Variants in SYNE2 observed in about 807,000 individuals in gnomAD.
The protein encoded by SYNE2 is nesprin-2.
A neutral mutation model predicts 856.3 loss-of-function variants in SYNE2; 431 were observed. The ratio of observed to expected loss-of-function variants is 0.50; its 90% CI spans 0.47 to 0.55. The LOEUF (loss-of-function observed/expected upper bound fraction) is 0.55, where lower values mean the gene tolerates loss of function less well. Among genes scored for constraint, SYNE2 ranks in the 20% least tolerant of loss-of-function variants. The pLI is 0.00. For synonymous variants in SYNE2, 2,923 were observed against 2,872.3 expected (o/e 1.02, Z -0.56); for missense variants, 8,129 against 8,023.2 (o/e 1.01, Z -0.50).
intron 1 of SYNE2, among the ~76,000 whole-genome samples, chr14:63,890,142 C>T (rs2095097575): frequency 6.8e-6 from 1 of 146,580 alleles, no homozygotes; most frequent in South Asian, 2.1e-4. Flanking sequence ...CTTACTGCAG[C>T]TTCGTCCTGC....
At chr14:64,147,625 A>G (rs1320571627) in intron 84 of SYNE2, among the ~76,000 whole-genome samples, 2 of 152,206 alleles carry the variant, frequency 1.3e-5, no homozygotes, top group Non-Finnish European at 2.9e-5. Flanking sequence ...TCCAGACACA[A>G]TGCCACCATC....
chr14:63,974,778 A>G (rs7401795), intron 11 of SYNE2, among the ~76,000 whole-genome samples: 9 of 119,336 alleles, frequency 7.5e-5, no homozygotes, highest in African/African-American at 1.2e-4. Context: ...GTATATATAT[A>G]TGTGTGTATA....
At chr14:64,001,664 C>T (rs954624296) in intron 28 of SYNE2, among the ~76,000 whole-genome samples, 4 of 152,122 alleles carry the variant, frequency 2.6e-5, no homozygotes, top group African/African-American at 9.7e-5. Context: ...CTGCCTCTTA[C>T]TAAATAAATG....
chr14:64,167,660 A>G (rs1567527909), intron 92 of SYNE2, 21 bp downstream of exon 92: 1 of 1,614,132 alleles, frequency 6.2e-7, no homozygotes, highest in Non-Finnish European at 8.5e-7. Flanking sequence ...GTTCTCTGCC[A>G]CCCTTGAACC....
At chr14:63,785,153 C>T (rs1409438177) in intron 1 of SYNE2, among the ~76,000 whole-genome samples, 2 of 152,048 alleles carry the variant, frequency 1.3e-5, no homozygotes, top group African/African-American at 2.4e-5. Context: ...CTTACTTTCA[C>T]CCTTAATCGG....
chr14:63,974,892 G>GTATATATATA (rs145247655), intron 11 of SYNE2, among the ~76,000 whole-genome samples: 95 of 67,294 alleles, frequency 1.4e-3, no homozygotes, highest in African/African-American at 2.0e-3. Flanking sequence ...GTGTGTGTGT[G>GTATATATATA]TATATATATA....
intron 1 of SYNE2, among the ~76,000 whole-genome samples, chr14:63,803,102 G>C (rs1595124415): frequency 6.6e-6 from 1 of 152,154 alleles, no homozygotes; most frequent in East Asian, 1.9e-4. Context: ...GAGCCGAGTG[G>C]CCTGTTTTGT....
At chr14:63,911,143 A>G (rs926459472) in intron 2 of SYNE2, among the ~76,000 whole-genome samples, 2 of 151,968 alleles carry the variant, frequency 1.3e-5, no homozygotes, top group Non-Finnish European at 2.9e-5. Context: ...TGGTTCCTTA[A>G]GGGGCCATAT....
At chr14:64,212,215 G>A in intron 104 of SYNE2, 117 bp downstream of exon 104, 5 of 1,532,760 alleles carry the variant, frequency 3.3e-6, no homozygotes, top group Non-Finnish European at 4.5e-6. Flanking sequence ...TCTTAAAGCA[G>A]CCAGGCTACA....
At chr14:63,809,341 A>C (rs1344487255) in intron 1 of SYNE2, among the ~76,000 whole-genome samples, 1 of 152,164 alleles carries the variant, frequency 6.6e-6, no homozygotes, top group Non-Finnish European at 1.5e-5. Context: ...AATTTTCTCA[A>C]TATTAAGAGT....
At chr14:63,860,040 G>T (rs1434233838) in intron 1 of SYNE2, among the ~76,000 whole-genome samples, 2 of 145,042 alleles carry the variant, frequency 1.4e-5, no homozygotes, top group Non-Finnish European at 3.0e-5. Context: ...CAGCTGGCTG[G>T]AGTGCAGTGG....
In SYNE2 at chr14:64,017,646, T is replaced by C. The variant is rs760189953; in HGVS notation, c.4939T>C (p.Leu1647=). Residue 1647 remains leucine (L), a synonymous_variant, in exon 34 of 116, where the codon TTG becomes CTG. Transcript: ENST00000555002. ...TGAAAATCTTGGTCGAGCTCTAGCT[T>C]TGTGGGACAAACTTTTTAACTTAAA... ...YYENLGRALA[L]WDKLFNLKNV... is the part of the protein sequence containing the mutation. The C allele has an allele frequency of 5.6e-6, 9 of 1,613,472 alleles. No homozygotes were observed. In the East Asian group the frequency reaches 6.7e-5, roughly 12 times the overall value.
chr14:63,938,022 A>G (rs918292389), intron 2 of SYNE2, among the ~76,000 whole-genome samples: 1 of 152,122 alleles, frequency 6.6e-6, no homozygotes, highest in African/African-American at 2.4e-5. Context: ...AGGAGTTGTT[A>G]TTAGTAATGA....
chr14:64,218,229 G>A (rs2098676102), intron 108 of SYNE2, 169 bp from the exon 109 acceptor site: 1 of 644,104 alleles, frequency 1.6e-6, no homozygotes, highest in Non-Finnish European at 2.7e-6. Context: ...AGCTTTGCCA[G>A]CTTATAAATG....
intron 110 of SYNE2, among the ~76,000 whole-genome samples, chr14:64,219,883 C>G (rs1210720751): frequency 1.3e-5 from 2 of 152,184 alleles, no homozygotes; most frequent in African/African-American, 2.4e-5. Context: ...TAGGATGTGT[C>G]ACTTACATAA....
chr14:64,223,218 A>C lies in SYNE2; in HGVS notation c.20220A>C (p.Gln6740His). 2 of 1,614,060 alleles carry C rather than the reference A, an allele frequency of 1.2e-6. No homozygotes were observed. The highest frequency in any genetic ancestry group is 1.7e-6 in the Non-Finnish European group (2 of 1,179,948). Residue 6740 changes from glutamine to histidine, a missense_variant, in exon 113 of 116, where the codon CAA becomes CAC. Coordinates refer to ENST00000555002, the MANE Select transcript of SYNE2 (RefSeq NM_182914.3). ...TGGAAAAGGAGCTGGTAGAACGTCA[A>C]CCTCAAGTGGACATGTTACAGGAGA... ...MQLEKELVER[Q>H]PQVDMLQEIS...
intron 71 of SYNE2, 105 bp downstream of exon 71, chr14:64,125,315 A>G (rs2153671077): frequency 6.7e-7 from 1 of 1,498,850 alleles, no homozygotes; most frequent in Non-Finnish European, 9.1e-7. Flanking sequence ...AAGTCATGGA[A>G]CACATAATGG....
chr14:64,090,213 G>C (rs1401992968), intron 59 of SYNE2, among the ~76,000 whole-genome samples: 1 of 152,198 alleles, frequency 6.6e-6, no homozygotes, highest in Non-Finnish European at 1.5e-5. Flanking sequence ...GCCTCTTACA[G>C]ACTAAGCTTA....
In SYNE2 at chr14:64,087,660, T is replaced by C; in HGVS notation, c.11485-11T>C. The C allele has an allele frequency of 5.0e-6, 8 of 1,613,796 alleles. No individual in the cohort carries two copies. The highest frequency in any genetic ancestry group is 2.2e-5 in the East Asian group (1 of 44,838). On this transcript the variant is annotated splice_polypyrimidine_tract_variant and intron_variant, in intron 57 of 115. Transcript: ENST00000555002. ...GTTTCTCTCTATTTTTCCCATTCTG[T>C]GTTTATCTAGATGGCTTTGGAAGAT...
Sources: gnomAD v4.1 joint callset for allele counts (sites outside exome capture counted in the v4.1 genomes callset) on GRCh38, gnomAD v4.1.1 for gene constraint, MANE v1.5 for transcripts, NCBI Gene and HGNC (gene_info 2026-07-23, HGNC 2026-07-21) for gene names.